DLG2: variants seen among roughly 807,000 people sequenced by gnomAD.
DLG2 encodes the protein discs large MAGUK scaffold protein 2, also known as disks large homolog 2.
In DLG2, 45 loss-of-function variants were observed where a neutral mutation model predicts 132.5. That is an observed-to-expected ratio of 0.34 (90% CI 0.27 to 0.44). The LOEUF is 0.44. DLG2 is among the 20% of genes least tolerant of loss of function. The pLI, the probability that DLG2 is intolerant of heterozygous loss-of-function variation, is 1.00. For missense variants in DLG2, 1,045 were observed against 1,196.9 expected, an observed-to-expected ratio of 0.87 and a Z score of 1.87; for synonymous variants, 424 against 419.6, an observed-to-expected ratio of 1.01 and a Z score of -0.13.
intron 21 of DLG2, among the ~76,000 whole-genome samples, chr11:83,522,825 T>A (rs959835888): frequency 4.8e-5 from 7 of 145,930 alleles, no homozygotes; most frequent in Admixed American, 1.4e-4. Context: ...CTTTTTTTTT[T>A]AATCAAAATG....
At chr11:84,460,991 C>T (rs760646541) in intron 7 of DLG2, among the ~76,000 whole-genome samples, 11 of 150,654 alleles carry the variant, frequency 7.3e-5, no homozygotes, top group African/African-American at 1.7e-4. Flanking sequence ...TTAATCAGTT[C>T]GACCTAAGGG....
At chr11:85,094,978 T>C (rs974572533) in intron 6 of DLG2, among the ~76,000 whole-genome samples, 1 of 152,196 alleles carries the variant, frequency 6.6e-6, no homozygotes, top group African/African-American at 2.4e-5. Context: ...TGTAAGGTTA[T>C]TACCTGACCT....
At chr11:84,605,288 A>G (rs1353614753) in intron 6 of DLG2, among the ~76,000 whole-genome samples, 1 of 151,908 alleles carries the variant, frequency 6.6e-6, no homozygotes, top group African/African-American at 2.4e-5. Context: ...GCATTTTTAG[A>G]AGAATTGCCA....
At position 84,027,387 on chromosome 11, in the gene DLG2, T is replaced by C. The variant is rs186950566; in HGVS notation, c.919+31928A>G. Among the ~76,000 whole-genome samples, 365 of 152,208 alleles carry C rather than the reference T, an allele frequency of 2.4e-3. 4 individuals are homozygous for C. The highest frequency in any genetic ancestry group is 0.02 in the Admixed American group (310 of 15,248). On this transcript the variant is annotated intron_variant, in intron 11 of 27. Transcript: ENST00000376104. ...CTTGTGCTCATCATTCTTTTCTTAA[T>C]TGATAGTGAAGACAAAGGTAAGAGC...
At chr11:85,005,170 A>C (rs932262887) in intron 6 of DLG2, among the ~76,000 whole-genome samples, 32 of 152,316 alleles carry the variant, frequency 2.1e-4, no homozygotes, top group South Asian at 4.1e-4. Context: ...TGATGACTGC[A>C]GCTTTGTTCT....
intron 6 of DLG2, among the ~76,000 whole-genome samples, chr11:84,709,821 T>C (rs554596500): frequency 2.6e-5 from 4 of 152,024 alleles, no homozygotes; most frequent in East Asian, 1.9e-4. Flanking sequence ...TGTTGGACCA[T>C]AGAGATCAAT....
intron 6 of DLG2, among the ~76,000 whole-genome samples, chr11:84,858,307 A>C (rs2154026987): frequency 6.6e-6 from 1 of 152,180 alleles, no homozygotes; most frequent in East Asian, 1.9e-4. Context: ...CAAGTAGAAA[A>C]GTGCAAGTCT....
At chr11:85,356,777 TAGATA>T (rs1441023481) in intron 3 of DLG2, among the ~76,000 whole-genome samples, 1 of 2,286 alleles carries the variant, frequency 4.4e-4, no homozygotes, top group Non-Finnish European at 8.4e-4. Flanking sequence ...AGTAGGTAAG[TAGATA>T]GATAGATAGA....
chr11:83,556,002 C>T (rs2096508678), intron 19 of DLG2, among the ~76,000 whole-genome samples: 1 of 152,118 alleles, frequency 6.6e-6, no homozygotes. Flanking sequence ...ACCAGGGTGT[C>T]CCGAACTCTA....
At chr11:85,625,908 T>G (rs561701791) in intron 2 of DLG2, among the ~76,000 whole-genome samples, 4 of 152,338 alleles carry the variant, frequency 2.6e-5, no homozygotes, top group African/African-American at 7.2e-5. Context: ...GTTCAGAATA[T>G]AATCAACTAT....
At chr11:85,443,777 T>C (rs2091890342) in intron 3 of DLG2, among the ~76,000 whole-genome samples, 1 of 152,248 alleles carries the variant, frequency 6.6e-6, no homozygotes, top group Admixed American at 6.5e-5. Context: ...TGCTAAATTA[T>C]GCCTTACTAC....
intron 6 of DLG2, among the ~76,000 whole-genome samples, chr11:84,812,250 A>T (rs2076636622): frequency 6.6e-6 from 1 of 152,144 alleles, no homozygotes; most frequent in Non-Finnish European, 1.5e-5. Context: ...AAGACTTTGA[A>T]CTCCAGATAA....
chr11:85,111,212 C>T (rs559198593), intron 6 of DLG2, among the ~76,000 whole-genome samples: 2 of 152,208 alleles, frequency 1.3e-5, no homozygotes, highest in Admixed American at 1.3e-4. Flanking sequence ...GTAGAAGATA[C>T]TATGCAAATG....
At chr11:84,200,276 C>T (rs2096574893) in intron 8 of DLG2, among the ~76,000 whole-genome samples, 1 of 151,792 alleles carries the variant, frequency 6.6e-6, no homozygotes, top group African/African-American at 2.4e-5. Flanking sequence ...ATGTCTGCAC[C>T]AAATAAAACA....
intron 9 of DLG2, among the ~76,000 whole-genome samples, chr11:84,120,616 A>G: frequency 6.6e-6 from 1 of 152,212 alleles, no homozygotes; most frequent in South Asian, 2.1e-4. Context: ...ACTGAGCCTG[A>G]AATCATTTGG....
chr11:85,340,571 T>C (rs2082418429), intron 3 of DLG2, among the ~76,000 whole-genome samples: 1 of 152,216 alleles, frequency 6.6e-6, no homozygotes, highest in Non-Finnish European at 1.5e-5. Flanking sequence ...TAAACCAACA[T>C]GGCACATGTA....
At chr11:84,551,280 G>A (rs2099401289) in intron 6 of DLG2, among the ~76,000 whole-genome samples, 1 of 152,090 alleles carries the variant, frequency 6.6e-6, no homozygotes, top group Non-Finnish European at 1.5e-5. Flanking sequence ...CTAATAAAAT[G>A]CCTTTTGGAA....
chr11:85,494,379 G>C (rs286525), intron 3 of DLG2, among the ~76,000 whole-genome samples: 127,850 of 152,152 alleles, frequency 0.84, 54,208 homozygotes, highest in Middle Eastern at 0.91. Context: ...ATAGCTCAGT[G>C]TGTCTAGTTA....
In DLG2 at chr11:83,713,794, G is replaced by A. The variant is rs759056849; in HGVS notation, c.1825+72896C>T. Among the ~76,000 whole-genome samples, 5 of 152,172 alleles carry A rather than the reference G, an allele frequency of 3.3e-5. No homozygotes were observed. The East Asian group carries it at 5.8e-4, about 18-fold the overall frequency. ...CCATCTGTAATTCTGCACCTGCTTC[G>A]TCAACTGCTGGCTGCATTTCAGGAG... On this transcript the variant is annotated intron_variant, in intron 18 of 27. Coordinates refer to ENST00000376104, the MANE Select transcript of DLG2 (RefSeq NM_001142699.3).
Sources: gnomAD v4.1 joint callset for allele counts (sites outside exome capture counted in the v4.1 genomes callset) on GRCh38, gnomAD v4.1.1 for gene constraint, MANE v1.5 for transcripts, NCBI Gene and HGNC (gene_info 2026-07-23, HGNC 2026-07-21) for gene names.